CHLSN: variants seen among roughly 807,000 people sequenced by gnomAD.
CHLSN encodes protein cholesin.
the CHLSN span, among the ~76,000 whole-genome samples, chr7:1,110,479 G>A: frequency 1.3e-5 from 2 of 152,204 alleles, no homozygotes; most frequent in Admixed American, 6.5e-5. Flanking sequence ...GCGAAGGCAC[G>A]GCCGCCTGGG....
the CHLSN span, chr7:1,028,289 G>C: frequency 4.1e-5 from 44 of 1,065,432 alleles, no homozygotes; most frequent in Non-Finnish European, 4.6e-5. Context: ...CCGCGGGCAC[G>C]GACGGCGCCG....
chr7:1,118,667 A>T, the CHLSN span, among the ~76,000 whole-genome samples: 3 of 152,104 alleles, frequency 2.0e-5, no homozygotes. Flanking sequence ...CAATGAAGAA[A>T]GAGTTTCTTA....
At chr7:1,005,267 G>A in the CHLSN span, among the ~76,000 whole-genome samples, 1 of 152,184 alleles carries the variant, frequency 6.6e-6, no homozygotes, top group Non-Finnish European at 1.5e-5. Flanking sequence ...CTCCAGCCTG[G>A]CGACAGAGTG....
At chr7:1,078,008 G>C in the CHLSN span, 2 of 152,174 alleles carry the variant, frequency 1.3e-5, no homozygotes, top group African/African-American at 4.8e-5. Flanking sequence ...CTCCTAAAAC[G>C]AAAGCTTCTC....
chr7:1,036,439 G>A, the CHLSN span, among the ~76,000 whole-genome samples: 1 of 125,646 alleles, frequency 8.0e-6, no homozygotes, highest in Non-Finnish European at 1.9e-5. Flanking sequence ...GCCGTGTAGG[G>A]TTCGGGTGCT....
chr7:1,049,012 A>C, the CHLSN span, among the ~76,000 whole-genome samples: 25,050 of 152,218 alleles, frequency 0.16, 2,191 homozygotes, highest in Admixed American at 0.22. Context: ...AAGCCTCTGC[A>C]GTCTGAGCGT....
chr7:1,109,945 G>T, the CHLSN span, among the ~76,000 whole-genome samples: 1 of 152,106 alleles, frequency 6.6e-6, no homozygotes, highest in South Asian at 2.1e-4. Flanking sequence ...ATGCCAGTGC[G>T]AGCGCAGCCT....
At chr7:1,066,099 C>T in the CHLSN span, among the ~76,000 whole-genome samples, 2 of 152,372 alleles carry the variant, frequency 1.3e-5, no homozygotes, top group Non-Finnish European at 2.9e-5. Flanking sequence ...GTTCCCGCCA[C>T]GGCTTTCGCC....
chr7:1,123,195 G>A, the CHLSN span, among the ~76,000 whole-genome samples: 2 of 152,192 alleles, frequency 1.3e-5, no homozygotes, highest in Non-Finnish European at 2.9e-5. This position sits in a 1 kb window ranked among gnomAD's most constrained non-coding sequence, Gnocchi z 4.4. Context: ...GAGGCTTCCC[G>A]GGCCAAGCCC....
the CHLSN span, chr7:1,080,955 A>C: frequency 6.6e-6 from 1 of 152,618 alleles, no homozygotes; most frequent in Non-Finnish European, 1.5e-5. Context: ...CAGGCTGTCA[A>C]GGCCCAGGGT....
chr7:1,082,857 G>A, the CHLSN span, among the ~76,000 whole-genome samples: 1 of 152,238 alleles, frequency 6.6e-6, no homozygotes, highest in African/African-American at 2.4e-5. Context: ...TGCTACTGAA[G>A]AGAGGATGCG....
chr7:1,009,035 ACACATGCACACACGTACACGTG>A, the CHLSN span, among the ~76,000 whole-genome samples: 4 of 74,508 alleles, frequency 5.4e-5, no homozygotes, highest in African/African-American at 2.0e-4. Context: ...ACACACGTAC[ACACATGCACACACGTACACGTG>A]CACGTGCACG....
the CHLSN span, among the ~76,000 whole-genome samples, chr7:1,046,201 A>G: frequency 6.6e-6 from 1 of 152,264 alleles, no homozygotes; most frequent in South Asian, 2.1e-4. Flanking sequence ...GGGGCTCCTC[A>G]GGGAGCTGCA....
chr7:1,053,696 A>G, the CHLSN span, among the ~76,000 whole-genome samples: 8 of 152,184 alleles, frequency 5.3e-5, no homozygotes, highest in Non-Finnish European at 7.4e-5. Flanking sequence ...GTGTGGTGGC[A>G]GTCGCCTGTA....
chr7:1,132,114 C>T, the CHLSN span, among the ~76,000 whole-genome samples: 1 of 152,192 alleles, frequency 6.6e-6, no homozygotes, highest in Non-Finnish European at 1.5e-5. Flanking sequence ...TAGAAGAAAA[C>T]ACAGGATTAA....
At chr7:1,102,780 G>C in the CHLSN span, among the ~76,000 whole-genome samples, 1 of 152,228 alleles carries the variant, frequency 6.6e-6, no homozygotes, top group Admixed American at 6.5e-5. Context: ...CGTGTGCTGG[G>C]ATTGGGAAGT....
the CHLSN span, among the ~76,000 whole-genome samples, chr7:1,113,986 G>A: frequency 1.3e-5 from 2 of 152,310 alleles, no homozygotes; most frequent in South Asian, 2.1e-4. Context: ...ACTTCCCGTC[G>A]ACATAGATAC....
the CHLSN span, chr7:987,055 G>T: frequency 6.9e-7 from 1 of 1,447,022 alleles, no homozygotes. Context: ...GGTCTGTGGG[G>T]TGGGGGACAG....
the CHLSN span, among the ~76,000 whole-genome samples, chr7:995,694 C>T: frequency 2.6e-5 from 4 of 152,382 alleles, no homozygotes; most frequent in Non-Finnish European, 4.4e-5. Context: ...TCGCAGGCAC[C>T]GCCTGGCAGA....
Sources: allele counts gnomAD v4.1 joint callset (sites outside exome capture counted in the v4.1 genomes callset), GRCh38; gene constraint gnomAD v4.1.1; non-coding constraint Gnocchi (gnomAD v3.1); transcripts MANE v1.5; gene names NCBI Gene and HGNC (gene_info 2026-07-23, HGNC 2026-07-21).